STK3: variants seen among roughly 807,000 people sequenced by gnomAD.
The protein encoded by STK3 is serine/threonine kinase 3.
STK3 carries 41 observed loss-of-function variants against 58.0 expected under a neutral mutation model. The ratio of observed to expected loss-of-function variants is 0.71; its 90% CI spans 0.55 to 0.92. The LOEUF is 0.92. Ranked by LOEUF, STK3 falls within the 40% of genes least tolerant of loss-of-function variation. STK3 has a pLI of 0.00. For synonymous variants in STK3, 170 were observed against 191.0 expected, an observed-to-expected ratio of 0.89 and a Z score of 0.91; for missense variants, 479 against 602.7, an observed-to-expected ratio of 0.79 and a Z score of 2.15.
At chr8:98,835,954 A>C (rs1427381802) in intron 3 of STK3, among the ~76,000 whole-genome samples, 1 of 152,352 alleles carries the variant, frequency 6.6e-6, no homozygotes, top group Middle Eastern at 3.4e-3. Context: ...TAACCCCAGC[A>C]CTTTGGGAGG....
intron 6 of STK3, among the ~76,000 whole-genome samples, chr8:98,693,879 G>A (rs546740060): frequency 7.2e-5 from 11 of 152,180 alleles, no homozygotes; most frequent in African/African-American, 2.6e-4. Flanking sequence ...GGAGGACATG[G>A]ATGCTTTTCT....
rs1818268016 is a variant in STK3, at chr8:98,428,063, G to A, written n.483+6064C>T. The A allele has an allele frequency of 1.9e-6, 3 of 1,613,262 alleles. No individual in the cohort carries two copies. The highest frequency in any genetic ancestry group is 2.5e-6 in the Non-Finnish European group (3 of 1,179,628). On this transcript the variant is annotated intron_variant and non_coding_transcript_variant, in intron 3 of 3. Coordinates refer to the STK3 transcript ENST00000517832. This position sits in a 1 kb window ranked among gnomAD's most constrained non-coding sequence, Gnocchi z 6.7. ...GCATCAATGTGGGCGGCTTCAAGAG[G>A]AGGCTGCGCTCGCACACGCTGCTGC...
chr8:98,789,671 C>T (rs1368053100), intron 1 of STK3, among the ~76,000 whole-genome samples: 1 of 152,038 alleles, frequency 6.6e-6, no homozygotes, highest in Non-Finnish European at 1.5e-5. Context: ...TAGATAAATT[C>T]CTGGAAAGAT....
At chr8:98,652,087 G>C (rs1475978122) in intron 6 of STK3, among the ~76,000 whole-genome samples, 1 of 152,140 alleles carries the variant, frequency 6.6e-6, no homozygotes, top group Non-Finnish European at 1.5e-5. Context: ...AGAGAGAAAG[G>C]TCAAGTTACC....
chr8:98,721,874 G>C (rs1014903590), intron 4 of STK3, among the ~76,000 whole-genome samples: 1 of 152,036 alleles, frequency 6.6e-6, no homozygotes, highest in Admixed American at 6.5e-5. Flanking sequence ...AGAAGCACTA[G>C]GAAACATTGA....
intron 1 of STK3, among the ~76,000 whole-genome samples, chr8:98,819,900 C>T (rs1001348597): frequency 1.3e-5 from 2 of 152,110 alleles, no homozygotes; most frequent in Non-Finnish European, 2.9e-5. Flanking sequence ...TGGTGTGTTG[C>T]TTTCTCTCAC....
In STK3 at chr8:98,520,957, AC is replaced by A. The variant is rs1021841114; in HGVS notation, c.1317+5784del. 7.2e-5 allele frequency among the ~76,000 whole-genome samples: 11 copies of A among 152,036 alleles called. 1 individual carries two copies. Among genetic ancestry groups the A allele is most frequent in the Admixed American group, 6.6e-4 (10 of 15,258 alleles). On this transcript the variant is annotated intron_variant, in intron 10 of 10. Transcript: ENST00000419617. ...ACCATTCTCTCTTTGCCCCTCTTAC[AC>A]CCTTTTCCTTGTCTTTTGCCATACT...
At chr8:98,705,593 T>G (rs946627710) in intron 6 of STK3, among the ~76,000 whole-genome samples, 5 of 152,198 alleles carry the variant, frequency 3.3e-5, no homozygotes, top group Non-Finnish European at 7.3e-5. Context: ...TGAATTTTTA[T>G]GCATTCTTCC....
intron 10 of STK3, among the ~76,000 whole-genome samples, chr8:98,490,918 G>C (rs1822636062): frequency 6.6e-6 from 1 of 152,164 alleles, no homozygotes; most frequent in South Asian, 2.1e-4. Flanking sequence ...AAATCTTCCT[G>C]AGATGATTCA....
Position 98,767,238 on chromosome 8 carries a change from C to A in STK3, c.236+5G>T. ...GGTAAGCAAAGAAATAAAATCTCTT[C>A]ATACCTGTCACATTGCTGCATTATG... On this transcript the variant is annotated splice_donor_5th_base_variant and intron_variant, in intron 3 of 10. Transcript: ENST00000419617. 6.2e-7 allele frequency: 1 copy of A among 1,601,480 alleles called. No individual in the cohort carries two copies. The highest frequency in any genetic ancestry group is 1.1e-5 in the South Asian group (1 of 88,544).
chr8:98,759,606 G>C (rs1177953045), intron 3 of STK3, among the ~76,000 whole-genome samples: 1 of 151,894 alleles, frequency 6.6e-6, no homozygotes, highest in African/African-American at 2.4e-5. Flanking sequence ...TGACGGACTT[G>C]ATTTGCTCAG....
chr8:98,501,167 T>C (rs941659466), intron 10 of STK3, among the ~76,000 whole-genome samples: 4 of 152,344 alleles, frequency 2.6e-5, no homozygotes, highest in African/African-American at 9.6e-5. Context: ...CCAGCAATGA[T>C]GAGTATTTTT....
chr8:98,891,017 C>T (rs1838179846), intron 1 of STK3, among the ~76,000 whole-genome samples: 1 of 152,238 alleles, frequency 6.6e-6, no homozygotes, highest in Non-Finnish European at 1.5e-5. Flanking sequence ...ATGCCTTCTA[C>T]TCAGTTAACA....
At chr8:98,639,586 A>G (rs770979846) in intron 6 of STK3, among the ~76,000 whole-genome samples, 53 of 152,340 alleles carry the variant, frequency 3.5e-4, no homozygotes, top group Non-Finnish European at 5.9e-4. Flanking sequence ...AATACTTTCA[A>G]TAAGCTTCAT....
At chr8:98,830,266 A>G (rs1306396524), upstream of STK3, among the ~76,000 whole-genome samples, 1 of 152,088 alleles carries the variant, frequency 6.6e-6, no homozygotes, top group East Asian at 1.9e-4. Context: ...GTGGAGGGGA[A>G]GGGATGAAAT....
At chr8:98,816,816 G>A (rs868341170) in intron 1 of STK3, among the ~76,000 whole-genome samples, 5 of 152,276 alleles carry the variant, frequency 3.3e-5, no homozygotes, top group Middle Eastern at 3.4e-3. Flanking sequence ...TTACAGGTGT[G>A]AGCCACCGTG....
At chr8:98,614,556 T>C (rs1251091950) in intron 6 of STK3, among the ~76,000 whole-genome samples, 1 of 152,046 alleles carries the variant, frequency 6.6e-6, no homozygotes, top group Non-Finnish European at 1.5e-5. Context: ...ACCGGGTTCA[T>C]CTCACTAGGG....
chr8:98,535,739 T>G (rs1809702042), intron 9 of STK3, among the ~76,000 whole-genome samples: 2 of 152,174 alleles, frequency 1.3e-5, no homozygotes. Context: ...ATGACCTACA[T>G]ATTAAGAGTA....
intron 4 of STK3, among the ~76,000 whole-genome samples, chr8:98,748,132 C>T (rs970831428): frequency 6.6e-6 from 1 of 152,162 alleles, no homozygotes; most frequent in African/African-American, 2.4e-5. Flanking sequence ...ATTTCACACA[C>T]TACTTCATAT....
Sources: gnomAD v4.1 joint callset for allele counts (sites outside exome capture counted in the v4.1 genomes callset) on GRCh38, gnomAD v4.1.1 for gene constraint, Gnocchi (gnomAD v3.1) non-coding constraint, MANE v1.5 for transcripts, NCBI Gene and HGNC (gene_info 2026-07-23, HGNC 2026-07-21) for gene names.